HIVEP2: variants seen among roughly 807,000 people sequenced by gnomAD.
HIVEP2 encodes the protein transcription factor HIVEP2.
Under a neutral mutation model 180.7 loss-of-function variants are expected in HIVEP2, and 14 were observed. The observed-to-expected ratio is 0.08, with a 90% CI of 0.05 to 0.12. The LOEUF is 0.12. Among genes scored for constraint, HIVEP2 ranks in the 10% least tolerant of loss-of-function variants. HIVEP2 has a pLI of 1.00. For missense variants in HIVEP2, 2,579 were observed against 3,008.5 expected, an observed-to-expected ratio of 0.86 and a Z score of 3.34; for synonymous variants, 1,184 against 1,136.4, an observed-to-expected ratio of 1.04 and a Z score of -0.84.
intron 2 of HIVEP2, chr6:142,794,033 C>T (rs1776224100): frequency 6.6e-6 from 1 of 152,024 alleles, no homozygotes; most frequent in Non-Finnish European, 1.5e-5. Context: ...TATCTGGACT[C>T]AAAATCAGGA....
Position 142,774,294 on chromosome 6 carries a change from C to T in HIVEP2, c.445G>A (p.Gly149Ser). ...CTTGAAATCTTTTTTCTAGGATAAC[C>T]ACCACTGTGGCCATGTATAGGAAAA... ...FPFPIHGHSG[G>S]YPRKKISSLN... The change falls in exon 5 of 10, where the codon GGT (glycine) becomes AGT (serine). Residue 149 changes from glycine (G) to serine (S), a missense_variant. Physicochemically the swap from Gly to Ser is moderately conservative, Grantham distance 56. Coordinates refer to ENST00000367603, the MANE Select transcript of HIVEP2 (RefSeq NM_006734.4). This position sits in a 1 kb window ranked among gnomAD's most constrained non-coding sequence, Gnocchi z 5.1. 1 of 1,614,092 alleles carries T rather than the reference C, an allele frequency of 6.2e-7. No homozygotes were observed. The highest frequency in any genetic ancestry group is 8.5e-7 in the Non-Finnish European group (1 of 1,180,026).
chr6:142,900,207 G>T (rs774638583), intron 1 of HIVEP2, among the ~76,000 whole-genome samples: 6 of 152,104 alleles, frequency 3.9e-5, no homozygotes, highest in Non-Finnish European at 7.4e-5. Context: ...CAGGAACGTG[G>T]GCAAATCAAT....
chr6:142,802,579 C>G (rs1406875037), intron 2 of HIVEP2, among the ~76,000 whole-genome samples: 1 of 151,844 alleles, frequency 6.6e-6, no homozygotes, highest in Non-Finnish European at 1.5e-5. Flanking sequence ...CTCTAATTCA[C>G]TTAATTTCAC....
intron 2 of HIVEP2, among the ~76,000 whole-genome samples, chr6:142,793,678 TCTCTCTCTCTCTCTC>T (rs1776211491): frequency 7.0e-6 from 1 of 142,608 alleles, no homozygotes; most frequent in African/African-American, 2.6e-5. Context: ...TTTCTTTCTC[TCTCTCTCTCTCTCTC>T]TCTCTGTCTG....
chr6:142,804,824 G>T (rs946942461), intron 2 of HIVEP2, among the ~76,000 whole-genome samples: 1 of 151,900 alleles, frequency 6.6e-6, no homozygotes, highest in Non-Finnish European at 1.5e-5. Context: ...GAGATTATAA[G>T]GCCATTCCAC....
chr6:142,810,887 G>GA (rs1285960036), intron 2 of HIVEP2, among the ~76,000 whole-genome samples: 2 of 151,766 alleles, frequency 1.3e-5, no homozygotes. Flanking sequence ...AAGGAGAATT[G>GA]AAAAAAATAA....
At chr6:142,754,783 T>C (rs1264398674) in intron 9 of HIVEP2, among the ~76,000 whole-genome samples, 1 of 152,230 alleles carries the variant, frequency 6.6e-6, no homozygotes, top group Non-Finnish European at 1.5e-5. Flanking sequence ...AATCAATGAA[T>C]TAAGGATGCT....
rs560099292 is a variant in HIVEP2, at chr6:142,838,335, C to T, written c.-640-1288G>A. On this transcript the variant is annotated intron_variant, in intron 1 of 9. Transcript: ENST00000367603. ...ATTTGGACATGGTCTCAAAAGACTTCTTCATTAACAGAGATAAATAATCTT... is the reference window on the plus strand; with the variant it reads ...ATTTGGACATGGTCTCAAAAGACTTTTTCATTAACAGAGATAAATAATCTT... Among the ~76,000 whole-genome samples, 52 of 152,172 alleles carry T rather than the reference C, an allele frequency of 3.4e-4. No individual in the cohort carries two copies. The South Asian group carries it at 4.1e-3, about 12-fold the overall frequency.
At chr6:142,907,087 C>T (rs1365788895) in intron 1 of HIVEP2, among the ~76,000 whole-genome samples, 1 of 152,230 alleles carries the variant, frequency 6.6e-6, no homozygotes, top group Non-Finnish European at 1.5e-5. Flanking sequence ...CTACATCTTA[C>T]ATGAAATGAA....
At chr6:142,866,902 G>T (rs879379344) in intron 1 of HIVEP2, among the ~76,000 whole-genome samples, 2 of 152,036 alleles carry the variant, frequency 1.3e-5, no homozygotes, top group African/African-American at 4.8e-5. Context: ...AAGCGAAAAA[G>T]AAAATAAAAA....
At chr6:142,922,828 T>A (rs1777714541) in intron 1 of HIVEP2, among the ~76,000 whole-genome samples, 1 of 152,160 alleles carries the variant, frequency 6.6e-6, no homozygotes, top group Non-Finnish European at 1.5e-5. Flanking sequence ...CAGATTTTTT[T>A]AAAAGACTGT....
intron 9 of HIVEP2, among the ~76,000 whole-genome samples, chr6:142,756,502 G>A (rs550844652): frequency 6.6e-6 from 1 of 152,246 alleles, no homozygotes; most frequent in South Asian, 2.1e-4. Context: ...AAAAACTGTG[G>A]TCAAGAGGTT....
rs375496257 is a variant in HIVEP2 at position 142,770,372 on chromosome 6, T to A, written c.4367A>T (p.Gln1456Leu). Residue 1456 changes from glutamine (Q) to leucine (L), a missense_variant, in exon 5 of 10, where the codon CAG (glutamine) becomes CTG (leucine). Physicochemically the swap from Gln to Leu is moderately radical, Grantham distance 113. This residue lies in a region of HIVEP2 where 29 missense variants were observed against 64.7 expected (regional missense o/e 0.45). Transcript: ENST00000367603. This position sits in a 1 kb window ranked among gnomAD's most constrained non-coding sequence, Gnocchi z 4.7. Reference sequence around the variant, plus strand: ...CTTTTCTTCTTTGACCCTTTTCTGCTGCTTGGTTTCCATGAAGAGCTCCAA... The same window carrying A: ...CTTTTCTTCTTTGACCCTTTTCTGCAGCTTGGTTTCCATGAAGAGCTCCAA... ...SSLELFMETK[Q>L]QKRVKEEKMY... 6.2e-7 allele frequency: 1 copy of A among 1,614,184 alleles called. No individual in the cohort carries two copies. The highest frequency in any genetic ancestry group is 8.5e-7 in the Non-Finnish European group (1 of 1,180,040).
At chr6:142,791,077 A>T (rs1776126198) in intron 2 of HIVEP2, among the ~76,000 whole-genome samples, 1 of 152,212 alleles carries the variant, frequency 6.6e-6, no homozygotes, top group Admixed American at 6.5e-5. Flanking sequence ...TCCTCTCTTG[A>T]CAATTTTCCT....
At chr6:142,785,816 C>T (rs1282872964) in intron 2 of HIVEP2, among the ~76,000 whole-genome samples, 1 of 152,216 alleles carries the variant, frequency 6.6e-6, no homozygotes, top group Non-Finnish European at 1.5e-5. Flanking sequence ...TGTTGCATCA[C>T]TCATGACCTT....
intron 1 of HIVEP2, among the ~76,000 whole-genome samples, chr6:142,838,902 A>G (rs1264133317): frequency 6.6e-6 from 1 of 152,136 alleles, no homozygotes; most frequent in East Asian, 1.9e-4. Flanking sequence ...ATATGTTAAA[A>G]GGTTTTTCAC....
intron 9 of HIVEP2, among the ~76,000 whole-genome samples, chr6:142,757,839 G>T (rs1398227002): frequency 6.6e-6 from 1 of 152,142 alleles, no homozygotes; most frequent in Non-Finnish European, 1.5e-5. Flanking sequence ...TGCCTAACTT[G>T]ACTGTGGGTT....
At chr6:142,891,971 T>C (rs968142034) in intron 1 of HIVEP2, among the ~76,000 whole-genome samples, 4 of 152,182 alleles carry the variant, frequency 2.6e-5, no homozygotes, top group African/African-American at 9.6e-5. Flanking sequence ...CTTTTAGCTA[T>C]GTCCAGCCAG....
At chr6:142,907,337 T>C (rs1166045324) in intron 1 of HIVEP2, among the ~76,000 whole-genome samples, 1 of 152,056 alleles carries the variant, frequency 6.6e-6, no homozygotes, top group Non-Finnish European at 1.5e-5. Context: ...CAGCTGCTGC[T>C]TTCCCCGGGT....
Sources: gnomAD v4.1 joint callset for allele counts (sites outside exome capture counted in the v4.1 genomes callset) on GRCh38, gnomAD v4.1.1 for gene constraint, gnomAD v4.1.1 regional missense constraint, Gnocchi (gnomAD v3.1) non-coding constraint, MANE v1.5 for transcripts, NCBI Gene and HGNC (gene_info 2026-07-23, HGNC 2026-07-21) for gene names.